Variants in TSPAN5 observed in about 807,000 individuals in gnomAD.
TSPAN5 encodes the protein tetraspanin-5.
TSPAN5 carries 10 observed loss-of-function variants against 37.1 expected under a neutral mutation model. That is an observed-to-expected ratio of 0.27 (90% CI 0.17 to 0.46). TSPAN5 has a LOEUF of 0.46. TSPAN5 is among the 20% of genes least tolerant of loss of function. TSPAN5 has a pLI of 1.00. For synonymous variants in TSPAN5, 110 were observed against 118.9 expected, an observed-to-expected ratio of 0.93 and a Z score of 0.48; for missense variants, 195 against 326.6, an observed-to-expected ratio of 0.60 and a Z score of 3.11.
chr4:98,601,153 C>G (rs1755873863), intron 1 of TSPAN5, among the ~76,000 whole-genome samples: 2 of 152,102 alleles, frequency 1.3e-5, no homozygotes, highest in Admixed American at 1.3e-4. Context: ...CTTTGTTGTT[C>G]CATTTATAGA....
chr4:98,533,614 G>C (rs546507421), intron 1 of TSPAN5, among the ~76,000 whole-genome samples: 13 of 133,616 alleles, frequency 9.7e-5, no homozygotes, highest in Admixed American at 8.1e-5. Flanking sequence ...GCAGTGGCGC[G>C]ATCTTGGCTC....
At chr4:98,571,967 T>C (rs1755133595) in intron 1 of TSPAN5, among the ~76,000 whole-genome samples, 1 of 8,766 alleles carries the variant, frequency 1.1e-4, no homozygotes, top group Admixed American at 1.4e-3. Context: ...AGACATTTTA[T>C]TTATTTATTT....
At chr4:98,638,149 T>A (rs1261384610) in intron 1 of TSPAN5, among the ~76,000 whole-genome samples, 1 of 152,208 alleles carries the variant, frequency 6.6e-6, no homozygotes, top group Admixed American at 6.5e-5. Flanking sequence ...ACGCTCCTGA[T>A]GCCATGAGTT....
intron 1 of TSPAN5, among the ~76,000 whole-genome samples, chr4:98,568,136 A>G (rs1033480480): frequency 6.6e-6 from 1 of 152,198 alleles, no homozygotes; most frequent in Non-Finnish European, 1.5e-5. Context: ...CAACAATCCT[A>G]TGAGATAGGC....
intron 1 of TSPAN5, among the ~76,000 whole-genome samples, chr4:98,527,049 G>A (rs1278426244): frequency 2.0e-5 from 3 of 152,112 alleles, no homozygotes; most frequent in Non-Finnish European, 4.4e-5. Context: ...CCTTTTTAAA[G>A]CTTTATTGAC....
At position 98,620,869 on chromosome 4, in the gene TSPAN5, T is replaced by C. The variant is rs148535954; in HGVS notation, c.81+37277A>G. Among the ~76,000 whole-genome samples, 274 of 152,340 alleles carry C rather than the reference T, an allele frequency of 1.8e-3. 1 individual carries two copies. The Middle Eastern group carries it at 0.034, about 19-fold the overall frequency. Reference sequence around the variant, plus strand: ...GAAGTCCCTGGAGGGGTTGTCTATATACATTTTTTTAATTGAAAATTCACG... The same window carrying C: ...GAAGTCCCTGGAGGGGTTGTCTATACACATTTTTTTAATTGAAAATTCACG... On this transcript the variant is annotated intron_variant, in intron 1 of 7. Coordinates refer to ENST00000305798, the MANE Select transcript of TSPAN5 (RefSeq NM_005723.4).
intron 1 of TSPAN5, among the ~76,000 whole-genome samples, chr4:98,637,116 C>T (rs1232842655): frequency 1.3e-5 from 2 of 152,236 alleles, no homozygotes; most frequent in African/African-American, 4.8e-5. Flanking sequence ...AGTTATCACA[C>T]TAACAGAAGT....
In TSPAN5 at chr4:98,658,598, G is replaced by C. The variant is rs1341205261; in HGVS notation, c.-372C>G. 1.3e-5 allele frequency: 2 copies of C among 154,644 alleles called. No individual in the cohort carries two copies. The highest frequency in any genetic ancestry group is 2.9e-5 in the Non-Finnish European group (2 of 70,050). 9.6% of individuals were successfully genotyped at this position (154,644 alleles called of 1,614,324 possible). On this transcript the variant is annotated 5_prime_UTR_variant, in exon 1 of 8. Transcript: ENST00000305798. ...GGCGGCCGCGGCAGATGCTGGTGGA[G>C]ACGCCGCTCGCTTGCTCGCCCGCCC...
At chr4:98,545,812 G>A (rs1474480781) in intron 1 of TSPAN5, among the ~76,000 whole-genome samples, 2 of 152,150 alleles carry the variant, frequency 1.3e-5, no homozygotes, top group South Asian at 2.1e-4. Context: ...GATTACAGGC[G>A]TGAGCCAGCA....
chr4:98,538,448 G>A (rs1437197586), intron 1 of TSPAN5, among the ~76,000 whole-genome samples: 1 of 152,174 alleles, frequency 6.6e-6, no homozygotes, highest in Non-Finnish European at 1.5e-5. Context: ...CAGGGACAGA[G>A]GCCAACAGCC....
In TSPAN5 at chr4:98,571,642, G is replaced by A. The variant is rs547383306; in HGVS notation, c.82-63914C>T. ...GGGCACTTGTGTGTGTAAAGGTGAG[G>A]AGCTACCCATACGGTGGAAGGTTAG... On this transcript the variant is annotated intron_variant, in intron 1 of 7. Coordinates refer to ENST00000305798, the MANE Select transcript of TSPAN5 (RefSeq NM_005723.4). Among the ~76,000 whole-genome samples, 3 of 152,202 alleles carry A rather than the reference G, an allele frequency of 2.0e-5. No individual in the cohort carries two copies. In the South Asian group the frequency reaches 6.2e-4, roughly 32 times the overall value.
intron 2 of TSPAN5, 65 bp from the exon 3 acceptor site, chr4:98,486,949 G>C (rs1012507583): frequency 4.1e-5 from 64 of 1,566,370 alleles, no homozygotes; most frequent in Middle Eastern, 1.7e-4. Context: ...AACATGTAAA[G>C]ATTATTGCAT....
At chr4:98,588,650 A>G (rs1055526502) in intron 1 of TSPAN5, among the ~76,000 whole-genome samples, 36 of 152,206 alleles carry the variant, frequency 2.4e-4, no homozygotes, top group Non-Finnish European at 1.2e-4. Context: ...AAATAATGGA[A>G]AAAGGAAGCC....
intron 1 of TSPAN5, among the ~76,000 whole-genome samples, chr4:98,632,353 C>T (rs1756767280): frequency 6.6e-6 from 1 of 152,150 alleles, no homozygotes; most frequent in South Asian, 2.1e-4. Context: ...TCTGACCCCC[C>T]GACCCTGGAA....
intron 1 of TSPAN5, among the ~76,000 whole-genome samples, chr4:98,655,705 G>C (rs1232720495): frequency 1.3e-5 from 2 of 152,206 alleles, no homozygotes; most frequent in African/African-American, 4.8e-5. Context: ...ACTCTGTAGA[G>C]AGCAGAGGTG....
chr4:98,514,689 C>G (rs765248856), intron 1 of TSPAN5, among the ~76,000 whole-genome samples: 1 of 152,182 alleles, frequency 6.6e-6, no homozygotes, highest in Non-Finnish European at 1.5e-5. Context: ...CCTGCTGAAC[C>G]CTGACTCCAG....
intron 1 of TSPAN5, among the ~76,000 whole-genome samples, chr4:98,531,313 T>A (rs1049462863): frequency 5.9e-5 from 9 of 152,268 alleles, no homozygotes; most frequent in Middle Eastern, 6.8e-3. Flanking sequence ...AGTGAGAACA[T>A]GCAGTGTTTG....
At chr4:98,545,990 G>A (rs1754461571) in intron 1 of TSPAN5, among the ~76,000 whole-genome samples, 2 of 149,532 alleles carry the variant, frequency 1.3e-5, no homozygotes. Context: ...TTGAACAAAT[G>A]TTTGCTATTA....
chr4:98,487,921 GA>G (rs1753008934), intron 2 of TSPAN5, among the ~76,000 whole-genome samples: 1 of 151,772 alleles, frequency 6.6e-6, no homozygotes. Flanking sequence ...TGAAACTGTG[GA>G]TGTGCATGGG....
Sources: allele counts gnomAD v4.1 joint callset (sites outside exome capture counted in the v4.1 genomes callset), GRCh38; gene constraint gnomAD v4.1.1; transcripts MANE v1.5; gene names NCBI Gene and HGNC (gene_info 2026-07-23, HGNC 2026-07-21).